Variants in CFAP54 observed in about 807,000 individuals in gnomAD.
CFAP54 encodes cilia and flagella associated protein 54.
Under a neutral mutation model 370.4 loss-of-function variants are expected in CFAP54, and 290 were observed. The observed-to-expected ratio is 0.78, with a 90% confidence interval of 0.71 to 0.86. The LOEUF (loss-of-function observed/expected upper bound fraction) is 0.86. CFAP54 is among the 40% of genes least tolerant of loss of function. The probability of loss-of-function intolerance (pLI) is 0.00; values close to 1 mark genes in which losing one functional copy is unlikely to be tolerated. For missense variants in CFAP54, 3,399 were observed against 3,528.7 expected, an observed-to-expected ratio of 0.96 and a Z score of 0.93; for synonymous variants, 1,206 against 1,236.5, an observed-to-expected ratio of 0.98 and a Z score of 0.52.
chr12:96,781,407 G>A (rs1197133536), intron 60 of CFAP54, among the ~76,000 whole-genome samples: 1 of 152,092 alleles, frequency 6.6e-6, no homozygotes, highest in Non-Finnish European at 1.5e-5. Context: ...TCCTTTGTGG[G>A]TCACAAGGTT....
chr12:96,566,248 A>G (rs988903419), intron 19 of CFAP54, among the ~76,000 whole-genome samples: 1 of 152,200 alleles, frequency 6.6e-6, no homozygotes, highest in African/African-American at 2.4e-5. Flanking sequence ...TCTGCCATCA[A>G]TGGAGCATGA....
intron 63 of CFAP54, among the ~76,000 whole-genome samples, chr12:96,796,362 C>A (rs1210700161): frequency 6.6e-6 from 1 of 152,186 alleles, no homozygotes. Flanking sequence ...TTGCTAGAAT[C>A]ATAAAATGAA....
chr12:96,509,206 TAG>T (rs1187292459), intron 4 of CFAP54, among the ~76,000 whole-genome samples: 2 of 152,006 alleles, frequency 1.3e-5, no homozygotes, highest in Non-Finnish European at 2.9e-5. Flanking sequence ...CAGAAGGGGA[TAG>T]AGAGAGGAGG....
intron 26 of CFAP54, among the ~76,000 whole-genome samples, chr12:96,619,231 A>AT (rs540246422): frequency 5.1e-4 from 78 of 152,258 alleles, no homozygotes; most frequent in African/African-American, 1.8e-3. Context: ...ATTTGACTTG[A>AT]TTTTGTCCCT....
intron 32 of CFAP54, among the ~76,000 whole-genome samples, chr12:96,633,188 C>T (rs561116003): frequency 6.6e-6 from 1 of 152,120 alleles, no homozygotes; most frequent in Non-Finnish European, 1.5e-5. Context: ...CTCTTCTTTC[C>T]TTTTCGTGTT....
chr12:96,519,256 G>C (rs1955276471), intron 6 of CFAP54, among the ~76,000 whole-genome samples, 185 bp downstream of exon 6: 2 of 152,054 alleles, frequency 1.3e-5, no homozygotes, highest in Admixed American at 6.6e-5. Flanking sequence ...GCGCCACCAT[G>C]CCCGGCTAAT....
At chr12:96,575,460 G>A (rs1380083963) in intron 19 of CFAP54, among the ~76,000 whole-genome samples, 5 of 152,038 alleles carry the variant, frequency 3.3e-5, no homozygotes, top group African/African-American at 9.6e-5. Flanking sequence ...AAGTGAAAGC[G>A]TAATAATAAT....
At chr12:96,653,948 A>G (rs1005534524) in intron 36 of CFAP54, among the ~76,000 whole-genome samples, 2 of 152,200 alleles carry the variant, frequency 1.3e-5, no homozygotes, top group Non-Finnish European at 2.9e-5. Context: ...TCCTATAGAT[A>G]TTAAAAAAGG....
At chr12:96,830,365 A>G (rs774745767) in intron 66 of CFAP54, among the ~76,000 whole-genome samples, 1 of 151,658 alleles carries the variant, frequency 6.6e-6, no homozygotes, top group Non-Finnish European at 1.5e-5. Flanking sequence ...AAGACTTTTT[A>G]TTTTCTGTTT....
At chr12:96,743,598 G>A in intron 53 of CFAP54, 39 bp downstream of exon 53, 4 of 1,611,560 alleles carry the variant, frequency 2.5e-6, no homozygotes, top group Non-Finnish European at 8.5e-7. Flanking sequence ...AGTCAGGGAG[G>A]GATTCCAGTT....
intron 66 of CFAP54, among the ~76,000 whole-genome samples, chr12:96,855,212 G>A (rs1487533898): frequency 6.6e-6 from 1 of 152,132 alleles, no homozygotes; most frequent in Non-Finnish European, 1.5e-5. Flanking sequence ...TCCCTCTCAT[G>A]ACACATGGGG....
chr12:96,649,830 G>A (rs1009483624), intron 34 of CFAP54, 61 bp from the exon 35 acceptor site: 4 of 1,111,700 alleles, frequency 3.6e-6, no homozygotes, highest in Non-Finnish European at 5.1e-6. Flanking sequence ...ATCACCTACT[G>A]TGTTTTCTGG....
intron 32 of CFAP54, among the ~76,000 whole-genome samples, chr12:96,640,666 C>G (rs1177738534): frequency 6.6e-6 from 1 of 152,198 alleles, no homozygotes; most frequent in Non-Finnish European, 1.5e-5. Context: ...CTCTACCTGA[C>G]TTCAAACTAT....
intron 26 of CFAP54, among the ~76,000 whole-genome samples, chr12:96,608,355 A>G (rs1956322710): frequency 6.6e-6 from 1 of 152,028 alleles, no homozygotes; most frequent in African/African-American, 2.4e-5. Flanking sequence ...ACATACATAT[A>G]AAATTATTTT....
intron 66 of CFAP54, among the ~76,000 whole-genome samples, chr12:96,830,336 A>G (rs1210958792): frequency 1.3e-5 from 2 of 152,096 alleles, no homozygotes; most frequent in African/African-American, 4.8e-5. Flanking sequence ...AGAGGTTCCA[A>G]TTTCTCTGCA....
At chr12:96,729,661 C>T (rs1343744183) in intron 50 of CFAP54, among the ~76,000 whole-genome samples, 1 of 152,228 alleles carries the variant, frequency 6.6e-6, no homozygotes, top group Admixed American at 6.5e-5. Context: ...ATGCCTCACC[C>T]TGCTTCAGCT....
intron 20 of CFAP54, among the ~76,000 whole-genome samples, chr12:96,579,640 T>A (rs1218841149): frequency 6.6e-6 from 1 of 152,112 alleles, no homozygotes; most frequent in African/African-American, 2.4e-5. Context: ...GGGAAGAAGG[T>A]AATGACACAG....
intron 33 of CFAP54, among the ~76,000 whole-genome samples, chr12:96,647,500 A>AAAAAAC (rs1565927578): frequency 1.3e-4 from 19 of 145,212 alleles, no homozygotes; most frequent in East Asian, 4.5e-4. Flanking sequence ...AAAAAAAGAA[A>AAAAAAC]TGCCATTGAT....
chr12:96,845,451 C>G (rs772406912), intron 66 of CFAP54, among the ~76,000 whole-genome samples: 2 of 152,224 alleles, frequency 1.3e-5, no homozygotes, highest in African/African-American at 2.4e-5. Flanking sequence ...TCAACCCTCT[C>G]TAGCAACTTC....
Sources: gnomAD v4.1 joint callset for allele counts (sites outside exome capture counted in the v4.1 genomes callset) on GRCh38, gnomAD v4.1.1 for gene constraint, MANE v1.5 for transcripts, NCBI Gene and HGNC (gene_info 2026-07-23, HGNC 2026-07-21) for gene names.